Variants in LRIG2 observed in about 807,000 individuals in gnomAD.
LRIG2 encodes the protein leucine rich repeats and immunoglobulin like domains 2.
Under a neutral mutation model 107.8 loss-of-function variants are expected in LRIG2, and 93 were observed. The ratio of observed to expected loss-of-function variants is 0.86; its 90% CI spans 0.73 to 1.03. The LOEUF (loss-of-function observed/expected upper bound fraction) is 1.03. Among genes scored for constraint, LRIG2 ranks in the 50% least tolerant of loss-of-function variants. LRIG2 has a pLI of 0.00. For synonymous variants in LRIG2, 471 were observed against 470.6 expected, an observed-to-expected ratio of 1.00 and a Z score of -0.01; for missense variants, 1,226 against 1,296.0, an observed-to-expected ratio of 0.95 and a Z score of 0.83.
At chr1:113,075,538 A>G (rs1411395799) in intron 1 of LRIG2, among the ~76,000 whole-genome samples, 1 of 152,136 alleles carries the variant, frequency 6.6e-6, no homozygotes, top group Non-Finnish European at 1.5e-5. Flanking sequence ...TGTGCAGTGT[A>G]GTGTCAGTTA....
At chr1:113,121,925 T>G (rs1465675694) in intron 17 of LRIG2, among the ~76,000 whole-genome samples, 1 of 152,052 alleles carries the variant, frequency 6.6e-6, no homozygotes, top group Non-Finnish European at 1.5e-5. Flanking sequence ...ACTTGGAACA[T>G]TCAAGATGGT....
intron 1 of LRIG2, among the ~76,000 whole-genome samples, chr1:113,085,563 C>T (rs113886285): frequency 0.018 from 2,677 of 152,246 alleles, 93 homozygotes; most frequent in African/African-American, 0.06. Flanking sequence ...GGATTACAGG[C>T]GTGAACCACT....
At chr1:113,118,463 G>A (rs905160864) in intron 16 of LRIG2, among the ~76,000 whole-genome samples, 1 of 152,192 alleles carries the variant, frequency 6.6e-6, no homozygotes, top group Non-Finnish European at 1.5e-5. Flanking sequence ...ATGAAGTGAA[G>A]TCATCATAAC....
At chr1:113,113,803 C>G (rs186232212) in intron 14 of LRIG2, among the ~76,000 whole-genome samples, 1 of 151,920 alleles carries the variant, frequency 6.6e-6, no homozygotes, top group Admixed American at 6.6e-5. Flanking sequence ...CCTCATGATC[C>G]GCCTGCCTCA....
chr1:113,096,010 T>C lies in LRIG2; in HGVS notation c.940T>C (p.Ser314Pro). Residue 314 changes from serine (S) to proline (P), a missense_variant, in exon 7 of 18, where the codon TCC becomes CCC. Physicochemically the swap from Ser to Pro is moderately conservative, Grantham distance 74. Coordinates refer to ENST00000361127, the MANE Select transcript of LRIG2 (RefSeq NM_014813.3). ...PDAWEFCQRLSELDLSYNQLT... is the reference protein window; with the variant it reads ...PDAWEFCQRLPELDLSYNQLT... Reference sequence around the variant, plus strand: ...TGCATGGGAGTTCTGCCAAAGACTATCCGAACTGTAAGTGTTGGATAGCAT... The same window carrying C: ...TGCATGGGAGTTCTGCCAAAGACTACCCGAACTGTAAGTGTTGGATAGCAT... The C allele has an allele frequency of 6.2e-7, 1 of 1,614,158 alleles. No homozygotes were observed. The highest frequency in any genetic ancestry group is 2.2e-5 in the East Asian group (1 of 44,880).
rs1238948420 is a variant in LRIG2 at position 113,128,785 on chromosome 1, A to G, written c.*4684A>G. ...AATGTCTGAATGCTGGTTTTATAGC[A>G]CACTAGAATATCAGAATGAGTTGAC... On this transcript the variant is annotated 3_prime_UTR_variant, in exon 18 of 18. Transcript: ENST00000361127. 1 of 152,364 alleles carries G rather than the reference A, an allele frequency of 6.6e-6. No homozygotes were observed. Among genetic ancestry groups the G allele is most frequent in the East Asian group, 1.9e-4 (1 of 5,190 alleles). 9.4% of individuals were successfully genotyped at this position (152,364 alleles called of 1,614,324 possible). A position where few individuals can be genotyped will look rare whatever the true frequency, so the allele number is the denominator to read the frequency against.
chr1:113,093,268 C>T lies in LRIG2; in HGVS notation c.368C>T (p.Thr123Ile). The T allele has an allele frequency of 6.3e-7, 1 of 1,589,364 alleles. No homozygotes were observed. The highest frequency in any genetic ancestry group is 8.6e-7 in the Non-Finnish European group (1 of 1,166,756). ...TTTGGAGAACCTACATCTAATATTA[C>T]TCTACTTTCATTGTAAGTTAGTAAG... is the stretch of plus-strand genomic sequence containing the variant. ...PYFGEPTSNI[T>I]LLSLVHNIIP... Residue 123 changes from threonine to isoleucine, a missense_variant, in exon 3 of 18, where the codon ACT (threonine) becomes ATT (isoleucine). Around this residue, in one of 3 missense-constraint regions of LRIG2, gnomAD observed 570 missense variants for 550.2 expected, o/e 1.04. Coordinates refer to ENST00000361127, the MANE Select transcript of LRIG2 (RefSeq NM_014813.3).
Position 113,114,870 on chromosome 1 carries a change from AAC to A in LRIG2, c.2528_2529del (p.Thr843ArgfsTer21). ...GAAAAATGAAGACTATAGTATCACA[AAC>A]ACAGGTAAGTAGTACCCACATGACA... is the stretch of plus-strand genomic sequence containing the variant. The part of the protein sequence containing the change: ...RRKNEDYSIT[N>X]TEELNLPADI... On this transcript the variant is annotated frameshift_variant, in exon 15 of 18. Coordinates refer to ENST00000361127, the MANE Select transcript of LRIG2 (RefSeq NM_014813.3). LOFTEE classifies it high-confidence loss of function. 1 of 1,604,956 alleles carries A rather than the reference AAC, an allele frequency of 6.2e-7. No individual in the cohort carries two copies. The highest frequency in any genetic ancestry group is 1.1e-5 in the South Asian group (1 of 90,408).
chr1:113,079,125 A>C (rs1318476941), intron 1 of LRIG2, among the ~76,000 whole-genome samples: 2 of 151,894 alleles, frequency 1.3e-5, no homozygotes, highest in African/African-American at 4.8e-5. Context: ...CCGGCTGATC[A>C]CTGGAGCCTA....
rs56809946 is a variant in LRIG2, at chr1:113,131,802, T to TTGTGTGTGTGTGTGTG, written c.*7728_*7743dup. 1 of 147,726 alleles carries TTGTGTGTGTGTGTGTG rather than the reference T, an allele frequency of 6.8e-6. No individual in the cohort carries two copies. Among genetic ancestry groups the TTGTGTGTGTGTGTGTG allele is most frequent in the African/African-American group, 2.5e-5 (1 of 39,742 alleles). 9.2% of individuals were successfully genotyped at this position (147,726 alleles called of 1,614,324 possible). On this transcript the variant is annotated 3_prime_UTR_variant, in exon 18 of 18. Transcript: ENST00000361127. ...GGTTTTGTCAGTAGTAAGGTAGGTT[T>TTGTGTGTGTGTGTGTG]TGTGTGTGTGTGTGTGTGTGTGTGT... is the stretch of plus-strand genomic sequence containing the variant.
At chr1:113,117,027 A>G (rs952834271) in intron 16 of LRIG2, among the ~76,000 whole-genome samples, 3 of 152,224 alleles carry the variant, frequency 2.0e-5, no homozygotes, top group African/African-American at 7.2e-5. Context: ...TTCTCAGCAT[A>G]TACTGGAGAA....
At chr1:113,089,676 C>CTTTTTTTTTTTTTTTTTT (rs35515644) in intron 1 of LRIG2, among the ~76,000 whole-genome samples, 1 of 71,674 alleles carries the variant, frequency 1.4e-5, no homozygotes, top group Non-Finnish European at 2.5e-5. Context: ...AGGTGGATTG[C>CTTTTTTTTTTTTTTTTTT]TTTTTTTTTT....
intron 1 of LRIG2, among the ~76,000 whole-genome samples, chr1:113,088,499 C>T (rs907647949): frequency 6.6e-6 from 1 of 152,036 alleles, no homozygotes; most frequent in African/African-American, 2.4e-5. Flanking sequence ...CATAGGAGAA[C>T]TCTAGGGGAT....
Position 113,090,944 on chromosome 1 carries a change from C to T in LRIG2, c.240-374C>T, listed in dbSNP as rs892817609. Reference sequence around the variant, plus strand: ...TTGGCTCACTGCAACCTCTGCCTCCCGGGTTCAAGTAATTCTCCTGCCTCA... The same window carrying T: ...TTGGCTCACTGCAACCTCTGCCTCCTGGGTTCAAGTAATTCTCCTGCCTCA... On this transcript the variant is annotated intron_variant, in intron 1 of 17. Coordinates refer to ENST00000361127, the MANE Select transcript of LRIG2 (RefSeq NM_014813.3). Among the ~76,000 whole-genome samples, 57 of 151,686 alleles carry T rather than the reference C, an allele frequency of 3.8e-4. 1 individual carries two copies. Among genetic ancestry groups the T allele is most frequent in the Non-Finnish European group, 3.1e-4 (21 of 67,874 alleles).
intron 1 of LRIG2, among the ~76,000 whole-genome samples, chr1:113,088,015 C>T (rs1430438406): frequency 6.6e-6 from 1 of 152,218 alleles, no homozygotes; most frequent in African/African-American, 2.4e-5. Flanking sequence ...CTGATCAGAT[C>T]AATCCATGTA....
At position 113,126,425 on chromosome 1, in the gene LRIG2, A is replaced by AC. The variant is rs1655488755; in HGVS notation, c.*2326dup. 6.5e-6 allele frequency: 1 copy of AC among 153,806 alleles called. No homozygotes were observed. Among genetic ancestry groups the AC allele is most frequent in the African/African-American group, 2.4e-5 (1 of 41,584 alleles). The allele number at this position is 153,806 out of a possible 1,614,324, so 9.5% of individuals were successfully genotyped here. On this transcript the variant is annotated 3_prime_UTR_variant, in exon 18 of 18. Transcript: ENST00000361127. ...ATACTTCTGTCGCACTTTGTACCTGACCTAGGTGGCCTTGCAAATGTTGAC... is the reference window on the plus strand; with the variant it reads ...ATACTTCTGTCGCACTTTGTACCTGACCCTAGGTGGCCTTGCAAATGTTGAC...
At chr1:113,079,044 A>C (rs150990917) in intron 1 of LRIG2, among the ~76,000 whole-genome samples, 1 of 152,250 alleles carries the variant, frequency 6.6e-6, no homozygotes, top group Non-Finnish European at 1.5e-5. Flanking sequence ...CAAGTTGGTA[A>C]ATTGAAAATG....
chr1:113,121,567 C>A (rs930619892), intron 17 of LRIG2, among the ~76,000 whole-genome samples: 1 of 151,840 alleles, frequency 6.6e-6, no homozygotes, highest in Non-Finnish European at 1.5e-5. Flanking sequence ...CATGGTGAAA[C>A]CCCATCTCTT....
Position 113,114,658 on chromosome 1 carries a change from C to T in LRIG2, c.2312C>T (p.Thr771Ile). The T allele has an allele frequency of 4.3e-6, 7 of 1,614,088 alleles. No homozygotes were observed. Among genetic ancestry groups the T allele is most frequent in the Non-Finnish European group, 5.9e-6 (7 of 1,180,042 alleles). The change falls in exon 15 of 18, where the codon ACC (threonine) becomes ATC (isoleucine). Residue 771 changes from threonine to isoleucine, a missense_variant. Transcript: ENST00000361127. ...AGKYTCIMSN[T>I]LGTERGHIYL... ...AAATATACCTGCATTATGTCTAACA[C>T]CCTTGGGACAGAACGTGGCCACATT...
Sources: gnomAD v4.1 joint callset for allele counts (sites outside exome capture counted in the v4.1 genomes callset) on GRCh38, gnomAD v4.1.1 for gene constraint, gnomAD v4.1.1 regional missense constraint, MANE v1.5 for transcripts, NCBI Gene and HGNC (gene_info 2026-07-23, HGNC 2026-07-21) for gene names.